TAFA1: variants seen among roughly 807,000 people sequenced by gnomAD.
The protein encoded by TAFA1 is chemokine-like protein TAFA-1.
TAFA1 carries 4 observed loss-of-function variants against 18.5 expected under a neutral mutation model. The observed-to-expected ratio is 0.22, with a 90% CI of 0.11 to 0.49. The LOEUF is 0.49. Ranked by LOEUF, TAFA1 falls within the 20% of genes least tolerant of loss-of-function variation. TAFA1 has a pLI of 0.98. For missense variants in TAFA1, 147 were observed against 169.0 expected (o/e 0.87, Z 0.72); for synonymous variants, 56 against 55.2 (o/e 1.01, Z -0.06).
intron 3 of TAFA1, among the ~76,000 whole-genome samples, chr3:68,429,767 A>C (rs1178427536): frequency 6.6e-6 from 1 of 151,762 alleles, no homozygotes; most frequent in Admixed American, 6.6e-5. Context: ...TCTTCATACC[A>C]TCTGACTCTT....
At position 68,004,339 on chromosome 3, in the gene TAFA1, A is replaced by G. The variant is rs1432310879; in HGVS notation, c.-367A>G. 1.3e-5 allele frequency: 2 copies of G among 152,222 alleles called. No homozygotes were observed. The allele number at this position is 152,222 out of a possible 1,614,324, so 9.4% of individuals were successfully genotyped here. ...GAATGCACTGGAGTGGGGATGGTCC[A>G]TCGGCAACTATAAACTGATTCTCAT... On this transcript the variant is annotated 5_prime_UTR_variant, in exon 1 of 5. Transcript: ENST00000478136.
Position 68,037,000 on chromosome 3 carries a change from T to C in TAFA1, c.118+30256T>C, listed in dbSNP as rs558144099. ...CTGCTCTCTGAGACCCATAGTCTAG[T>C]GGAGCAGACAAATACGTGATTGTTA... On this transcript the variant is annotated intron_variant, in intron 2 of 4. Coordinates refer to ENST00000478136, the MANE Select transcript of TAFA1 (RefSeq NM_213609.4). Among the ~76,000 whole-genome samples the C allele has an allele frequency of 2.0e-5, 3 of 152,242 alleles. No homozygotes were observed. The East Asian group carries it at 5.8e-4, about 29-fold the overall frequency.
intron 2 of TAFA1, among the ~76,000 whole-genome samples, chr3:68,274,935 G>A (rs1194149061): frequency 6.6e-6 from 1 of 151,968 alleles, no homozygotes. Flanking sequence ...AATTAACATA[G>A]ACCATATACA....
chr3:68,082,349 C>A (rs889582826), intron 2 of TAFA1, among the ~76,000 whole-genome samples: 1 of 152,170 alleles, frequency 6.6e-6, no homozygotes, highest in Non-Finnish European at 1.5e-5. Flanking sequence ...CCTGTTCCTA[C>A]TTCCTAATTA....
chr3:68,021,042 T>C (rs141489793), intron 2 of TAFA1, among the ~76,000 whole-genome samples: 150,949 of 151,998 alleles, frequency 0.99, 74,956 homozygotes, highest in East Asian at 1. Flanking sequence ...AAAAATCAGC[T>C]GGACATGGTG....
intron 2 of TAFA1, among the ~76,000 whole-genome samples, chr3:68,354,769 G>T (rs1342082876): frequency 6.6e-6 from 1 of 151,936 alleles, no homozygotes; most frequent in Non-Finnish European, 1.5e-5. Flanking sequence ...GTGCCTTGTT[G>T]CTGTGTCCTC....
At chr3:68,017,053 G>A (rs577976684) in intron 2 of TAFA1, among the ~76,000 whole-genome samples, 1 of 152,100 alleles carries the variant, frequency 6.6e-6, no homozygotes, top group Non-Finnish European at 1.5e-5. Context: ...GTAACTAGAG[G>A]TCAGCCCTTT....
At chr3:68,525,991 C>T (rs1340716936) in intron 3 of TAFA1, among the ~76,000 whole-genome samples, 1 of 152,140 alleles carries the variant, frequency 6.6e-6, no homozygotes, top group African/African-American at 2.4e-5. Context: ...ACTCAGCCAC[C>T]TATGACAGCT....
chr3:68,311,451 T>C (rs1450823015), intron 2 of TAFA1, among the ~76,000 whole-genome samples: 2 of 152,060 alleles, frequency 1.3e-5, no homozygotes, highest in African/African-American at 4.8e-5. Flanking sequence ...AAAAACAAGG[T>C]AGTTACTTCC....
At chr3:68,004,109 T>G (rs1704317466), upstream of TAFA1, 1 of 152,206 alleles carries the variant, frequency 6.6e-6, no homozygotes, top group Admixed American at 6.5e-5. Flanking sequence ...ATGTAATAAA[T>G]CAGGCAATAT....
intron 2 of TAFA1, among the ~76,000 whole-genome samples, chr3:68,049,756 A>C (rs1316676734): frequency 6.6e-6 from 1 of 152,086 alleles, no homozygotes; most frequent in African/African-American, 2.4e-5. Flanking sequence ...CCATCATAAC[A>C]GAAGCTCTGT....
intron 2 of TAFA1, among the ~76,000 whole-genome samples, chr3:68,201,013 A>G (rs1221530885): frequency 6.6e-6 from 1 of 151,490 alleles, no homozygotes; most frequent in Non-Finnish European, 1.5e-5. Flanking sequence ...CAATGCTGTA[A>G]ACTTCTCTCT....
At chr3:68,011,530 T>C (rs963315453) in intron 2 of TAFA1, among the ~76,000 whole-genome samples, 1 of 152,246 alleles carries the variant, frequency 6.6e-6, no homozygotes, top group Non-Finnish European at 1.5e-5. Flanking sequence ...CTTATACTTA[T>C]TTTTACCTTA....
chr3:68,465,969 T>C (rs1160216224), intron 3 of TAFA1, among the ~76,000 whole-genome samples: 2 of 152,138 alleles, frequency 1.3e-5, no homozygotes, highest in Non-Finnish European at 2.9e-5. Flanking sequence ...CAAAAGACGA[T>C]TGGATATCTG....
chr3:68,335,561 G>T (rs1207347306), intron 2 of TAFA1, among the ~76,000 whole-genome samples: 1 of 152,152 alleles, frequency 6.6e-6, no homozygotes, highest in Non-Finnish European at 1.5e-5. Context: ...CATTCCAATG[G>T]TTTATGGAAA....
chr3:68,034,033 C>T (rs1327525535), intron 2 of TAFA1, among the ~76,000 whole-genome samples: 1 of 152,152 alleles, frequency 6.6e-6, no homozygotes, highest in Non-Finnish European at 1.5e-5. Flanking sequence ...ATTGTGAAAT[C>T]GCTCTTCACC....
Position 68,387,053 on chromosome 3 carries a change from A to G in TAFA1, c.119-30227A>G, listed in dbSNP as rs987416922. 2.0e-5 allele frequency among the ~76,000 whole-genome samples: 3 copies of G among 151,538 alleles called. No homozygotes were observed. In the East Asian group the frequency reaches 5.8e-4, roughly 30 times the overall value. On this transcript the variant is annotated intron_variant, in intron 2 of 4. Coordinates refer to ENST00000478136, the MANE Select transcript of TAFA1 (RefSeq NM_213609.4). The stretch of plus-strand genomic sequence containing the variant: ...AATTAAATCCATACACTCTGTGCCT[A>G]ATTTTATTTTTTTTTTTGGTGTCTG...
chr3:68,451,409 G>C (rs1343258821), intron 3 of TAFA1, among the ~76,000 whole-genome samples: 1 of 152,142 alleles, frequency 6.6e-6, no homozygotes, highest in Non-Finnish European at 1.5e-5. Flanking sequence ...GTTGTCAGTA[G>C]AGGAGGAACT....
chr3:68,297,763 T>A (rs1417772438), intron 2 of TAFA1, among the ~76,000 whole-genome samples: 1 of 152,096 alleles, frequency 6.6e-6, no homozygotes, highest in Non-Finnish European at 1.5e-5. Context: ...TTTTGGGGTC[T>A]TCTGTATTAA....
Sources: gnomAD v4.1 joint callset for allele counts (sites outside exome capture counted in the v4.1 genomes callset) on GRCh38, gnomAD v4.1.1 for gene constraint, MANE v1.5 for transcripts, NCBI Gene and HGNC (gene_info 2026-07-23, HGNC 2026-07-21) for gene names.